The following ATG4C variants were observed in gnomAD, a reference collection of about 807,000 sequenced individuals.
ATG4C encodes the protein cysteine protease ATG4C.
Under a neutral mutation model 57.6 loss-of-function variants are expected in ATG4C, and 56 were observed. That is an observed-to-expected ratio of 0.97 (90% confidence interval 0.78 to 1.21). ATG4C has a LOEUF of 1.21. ATG4C is among the 50% of genes most tolerant of loss of function. ATG4C has a pLI of 0.00. For missense variants in ATG4C, 595 were observed against 529.8 expected (o/e 1.12, Z -1.21); for synonymous variants, 157 against 174.1 (o/e 0.90, Z 0.78).
chr1:62,859,666 C>A (rs772807065), intron 10 of ATG4C, among the ~76,000 whole-genome samples: 21 of 151,280 alleles, frequency 1.4e-4, no homozygotes, highest in South Asian at 1.0e-3. Flanking sequence ...AAACATATTT[C>A]TTCAATAATA....
At chr1:62,841,223 G>A (rs899095564) in intron 9 of ATG4C, among the ~76,000 whole-genome samples, 1 of 152,084 alleles carries the variant, frequency 6.6e-6, no homozygotes, top group Non-Finnish European at 1.5e-5. Flanking sequence ...GAAATTTGGT[G>A]AATTAAATAT....
At chr1:62,845,894 G>A (rs1666313470) in intron 10 of ATG4C, among the ~76,000 whole-genome samples, 1 of 151,970 alleles carries the variant, frequency 6.6e-6, no homozygotes, top group Non-Finnish European at 1.5e-5. Flanking sequence ...TAGACACAGG[G>A]TTTCACCATG....
At chr1:62,850,854 G>GTGTGTATATATA (rs1402010901) in intron 10 of ATG4C, among the ~76,000 whole-genome samples, 2 of 84,120 alleles carry the variant, frequency 2.4e-5, no homozygotes, top group South Asian at 5.9e-4. Context: ...GTGTATGTAT[G>GTGTGTATATATA]TATATATATA....
intron 1 of ATG4C, among the ~76,000 whole-genome samples, chr1:62,795,149 T>C (rs1037396198): frequency 6.6e-6 from 1 of 152,226 alleles, no homozygotes; most frequent in Non-Finnish European, 1.5e-5. Flanking sequence ...CTGAGATGTA[T>C]TCCATAGACT....
At chr1:62,850,423 A>C (rs1022112291) in intron 10 of ATG4C, among the ~76,000 whole-genome samples, 1 of 152,144 alleles carries the variant, frequency 6.6e-6, no homozygotes, top group African/African-American at 2.4e-5. Flanking sequence ...AGATTGTGTT[A>C]ATTTTTTAAA....
At chr1:62,796,682 A>T (rs1235568731) in intron 1 of ATG4C, among the ~76,000 whole-genome samples, 1 of 152,192 alleles carries the variant, frequency 6.6e-6, no homozygotes, top group Non-Finnish European at 1.5e-5. Flanking sequence ...AATTTAGTGT[A>T]TTCAGTTTTT....
chr1:62,793,735 C>T (rs534811834), intron 1 of ATG4C, among the ~76,000 whole-genome samples: 1 of 151,944 alleles, frequency 6.6e-6, no homozygotes, highest in South Asian at 2.1e-4. Flanking sequence ...TAACATCCTT[C>T]ATTTCTTGTA....
Position 62,786,757 on chromosome 1 carries a change from A to T in ATG4C, c.-69+2484A>T, listed in dbSNP as rs144559088. On this transcript the variant is annotated intron_variant, in intron 1 of 10. Coordinates refer to ENST00000317868, the MANE Select transcript of ATG4C (RefSeq NM_032852.4). ...TAGAATTTACTAACAGAGGAGGCAG[A>T]CATAAATCAAATAGTCAAAGAAATT... Among the ~76,000 whole-genome samples, 240 of 152,336 alleles carry T rather than the reference A, an allele frequency of 1.6e-3. 2 individuals are homozygous for T. Among genetic ancestry groups the T allele is most frequent in the African/African-American group, 5.1e-3 (214 of 41,584 alleles).
chr1:62,858,425 G>T (rs1572179741), intron 10 of ATG4C, among the ~76,000 whole-genome samples: 1 of 152,208 alleles, frequency 6.6e-6, no homozygotes, highest in East Asian at 1.9e-4. Flanking sequence ...CAATATTTCA[G>T]TTCTCCCATC....
At chr1:62,810,418 T>C (rs1665043564) in intron 3 of ATG4C, among the ~76,000 whole-genome samples, 1 of 152,194 alleles carries the variant, frequency 6.6e-6, no homozygotes, top group Non-Finnish European at 1.5e-5. Context: ...AGAAATATAA[T>C]ATTCTCTTCA....
chr1:62,791,836 A>G (rs57455846), intron 1 of ATG4C, among the ~76,000 whole-genome samples: 3,070 of 152,116 alleles, frequency 0.02, 106 homozygotes, highest in African/African-American at 0.071. Flanking sequence ...AGTCTTCTCT[A>G]CTTGGGTTCC....
chr1:62,856,213 C>T (rs879320172), intron 10 of ATG4C, among the ~76,000 whole-genome samples: 3 of 152,142 alleles, frequency 2.0e-5, no homozygotes, highest in Non-Finnish European at 2.9e-5. Flanking sequence ...CCTAGAGGTC[C>T]TCCTTCTAGT....
Position 62,853,229 on chromosome 1 carries a change from T to A in ATG4C, c.1210-10763T>A, listed in dbSNP as rs181612130. Among the ~76,000 whole-genome samples, 742 of 151,092 alleles carry A rather than the reference T, an allele frequency of 4.9e-3. 6 individuals are homozygous for A. The highest frequency in any genetic ancestry group is 0.017 in the African/African-American group (695 of 41,216). On this transcript the variant is annotated intron_variant, in intron 10 of 10. Transcript: ENST00000317868. ...CTGCATTATTTTACGCCAAATGAAA[T>A]TTTTTTTTTCTCTGAGAGCTTTCAG...
chr1:62,857,606 A>G (rs1207884905), intron 10 of ATG4C, among the ~76,000 whole-genome samples: 1 of 152,278 alleles, frequency 6.6e-6, no homozygotes, highest in East Asian at 1.9e-4. Context: ...ATTGTCTTCC[A>G]TGAAATCAGT....
At chr1:62,857,657 T>C (rs1666726755) in intron 10 of ATG4C, among the ~76,000 whole-genome samples, 1 of 152,106 alleles carries the variant, frequency 6.6e-6, no homozygotes. Flanking sequence ...GTTATTCAGG[T>C]TGCAGCTTGG....
At chr1:62,853,071 G>C (rs142730802) in intron 10 of ATG4C, among the ~76,000 whole-genome samples, 3,085 of 152,174 alleles carry the variant, frequency 0.02, 35 homozygotes, top group Non-Finnish European at 0.029. Flanking sequence ...ATGTCGACCA[G>C]CTTTATCTTT....
rs1666957127 is a variant in ATG4C, at chr1:62,864,804, G to T, written c.*645G>T. ...ATTGGTTTTCCCTCACAAATTTAAA[G>T]ATTATGTTATTAATACTATTATAAC... On this transcript the variant is annotated 3_prime_UTR_variant, in exon 11 of 11. Transcript: ENST00000317868. The T allele has an allele frequency of 6.6e-6, 1 of 151,836 alleles. No homozygotes were observed. The highest frequency in any genetic ancestry group is 1.5e-5 in the Non-Finnish European group (1 of 67,856). 9.4% of individuals were successfully genotyped at this position (151,836 alleles called of 1,614,324 possible). A position where few individuals can be genotyped will look rare whatever the true frequency, so the allele number is the denominator to read the frequency against.
At chr1:62,795,437 C>T (rs923623520) in intron 1 of ATG4C, among the ~76,000 whole-genome samples, 1 of 152,200 alleles carries the variant, frequency 6.6e-6, no homozygotes, top group Non-Finnish European at 1.5e-5. Flanking sequence ...TCTGCTTAGT[C>T]TTCACTGTGC....
chr1:62,796,587 G>A (rs1158617347), intron 1 of ATG4C, among the ~76,000 whole-genome samples: 1 of 152,116 alleles, frequency 6.6e-6, no homozygotes, highest in Non-Finnish European at 1.5e-5. Context: ...TAGGAATTTT[G>A]TCATAGGATA....
Sources: gnomAD v4.1 joint callset for allele counts (sites outside exome capture counted in the v4.1 genomes callset) on GRCh38, gnomAD v4.1.1 for gene constraint, MANE v1.5 for transcripts, NCBI Gene and HGNC (gene_info 2026-07-23, HGNC 2026-07-21) for gene names.